Variants in NPTN observed in about 807,000 individuals in gnomAD.
NPTN encodes the protein neuroplastin, also known as SDR-1.
In NPTN, 5 loss-of-function variants were observed where a neutral mutation model predicts 42.7. The ratio of observed to expected loss-of-function variants is 0.12; its 90% CI spans 0.06 to 0.25. NPTN has a LOEUF of 0.25. Among genes scored for constraint, NPTN ranks in the 10% least tolerant of loss-of-function variants. The pLI, the probability that NPTN is intolerant of heterozygous loss-of-function variation, is 1.00. For missense variants in NPTN, 307 were observed against 525.4 expected (o/e 0.58, Z 4.06); for synonymous variants, 180 against 201.9 (o/e 0.89, Z 0.92).
chr15:73,617,143 A>G (rs1430941426), intron 1 of NPTN, among the ~76,000 whole-genome samples: 2 of 152,262 alleles, frequency 1.3e-5, no homozygotes, highest in African/African-American at 2.4e-5. Context: ...GATGAATTGT[A>G]ACATACTACT....
chr15:73,632,332 T>G (rs995235901), intron 1 of NPTN, among the ~76,000 whole-genome samples: 16 of 145,294 alleles, frequency 1.1e-4, no homozygotes, highest in African/African-American at 4.1e-4. Flanking sequence ...TTCCAACCCT[T>G]TCCCTCCATC....
chr15:73,624,407 A>G (rs1898293254), intron 1 of NPTN, among the ~76,000 whole-genome samples: 1 of 152,370 alleles, frequency 6.6e-6, no homozygotes, highest in East Asian at 1.9e-4. Flanking sequence ...TATAATTTCA[A>G]TGCTGGAGCT....
In NPTN at chr15:73,573,707, G is replaced by C; in HGVS notation, c.795C>G (p.Pro265=). Residue 265 remains proline, a synonymous_variant, in exon 5 of 9, where the codon CCC becomes CCG. Transcript: ENST00000345330. ...ATMYCKSVGY[P]HPDWIWRKKE... ...TCTTGCGCCATATCCAGTCTGGGTG[G>C]GGGTAGCCAACTGACTTGCAATACA... 1 of 1,595,542 alleles carries C rather than the reference G, an allele frequency of 6.3e-7. No homozygotes were observed. Among genetic ancestry groups the C allele is most frequent in the Non-Finnish European group, 8.5e-7 (1 of 1,172,224 alleles).
At chr15:73,574,838 T>C in intron 4 of NPTN, among the ~76,000 whole-genome samples, 1 of 152,220 alleles carries the variant, frequency 6.6e-6, no homozygotes, top group Non-Finnish European at 1.5e-5. Flanking sequence ...TCTCTATTTA[T>C]AGGGATCACT....
intron 1 of NPTN, among the ~76,000 whole-genome samples, chr15:73,612,468 C>T (rs1392754316): frequency 6.6e-6 from 1 of 151,266 alleles, no homozygotes; most frequent in East Asian, 1.9e-4. Context: ...ACTCTTAAAC[C>T]TTAAGATCTA....
intron 6 of NPTN, among the ~76,000 whole-genome samples, chr15:73,564,249 G>A (rs186571116): frequency 1.3e-5 from 2 of 152,304 alleles, no homozygotes; most frequent in East Asian, 3.9e-4. Context: ...AAATGATTCA[G>A]AACAGTTTGA....
intron 2 of NPTN, among the ~76,000 whole-genome samples, chr15:73,593,370 A>G (rs1228129809): frequency 1.3e-5 from 2 of 152,182 alleles, no homozygotes; most frequent in Non-Finnish European, 2.9e-5. Flanking sequence ...TACACTAACC[A>G]TCTTTTCCCA....
chr15:73,604,131 T>TA (rs1479639857), intron 1 of NPTN, among the ~76,000 whole-genome samples: 1 of 151,340 alleles, frequency 6.6e-6, no homozygotes, highest in Non-Finnish European at 1.5e-5. Flanking sequence ...TCTACAGGTT[T>TA]AAAAAAAAGT....
chr15:73,591,292 C>T (rs1896576105), intron 3 of NPTN, among the ~76,000 whole-genome samples: 1 of 152,212 alleles, frequency 6.6e-6, no homozygotes, highest in South Asian at 2.1e-4. Flanking sequence ...GCAGGATTAG[C>T]TGATTCTTTT....
chr15:73,581,786 A>G (rs1371427285), intron 4 of NPTN, among the ~76,000 whole-genome samples: 1 of 152,186 alleles, frequency 6.6e-6, no homozygotes, highest in Non-Finnish European at 1.5e-5. Flanking sequence ...CAGACTTAAG[A>G]AAGTGATCAA....
intron 1 of NPTN, among the ~76,000 whole-genome samples, chr15:73,631,976 A>T (rs1247247290): frequency 2.0e-5 from 3 of 152,132 alleles, no homozygotes; most frequent in African/African-American, 4.8e-5. Flanking sequence ...ACCACCTCCC[A>T]GGGGCCACTT....
Position 73,569,452 on chromosome 15 carries a change from A to C in NPTN, c.1114+698T>G, listed in dbSNP as rs970185486. The C allele has an allele frequency of 1.1e-5, 11 of 985,464 alleles. No homozygotes were observed. The highest frequency in any genetic ancestry group is 1.3e-5 in the Non-Finnish European group (11 of 829,940). 61.0% of individuals were successfully genotyped at this position (985,464 alleles called of 1,614,324 possible). On this transcript the variant is annotated intron_variant, in intron 6 of 8. Transcript: ENST00000345330. The surrounding 1 kb of genome is among the most constrained non-coding windows in gnomAD (Gnocchi z 4.1). ...TGACCCTAGGCCAGCTTGAGGGCAC[A>C]GCCTCGGGGCATGGACTCCATTTGT...
chr15:73,608,487 G>C (rs900323664), intron 1 of NPTN, among the ~76,000 whole-genome samples: 1 of 152,194 alleles, frequency 6.6e-6, no homozygotes, highest in African/African-American at 2.4e-5. Flanking sequence ...ATGAGTTCTA[G>C]ATAAAGGTGA....
chr15:73,568,412 C>A, intron 6 of NPTN: 1 of 985,378 alleles, frequency 1.0e-6, no homozygotes, highest in Non-Finnish European at 1.2e-6. Flanking sequence ...GTGGTATTGG[C>A]AAAGCAAAAG....
intron 6 of NPTN, among the ~76,000 whole-genome samples, chr15:73,563,740 ACT>A (rs1222119978): frequency 6.6e-6 from 1 of 152,150 alleles, no homozygotes; most frequent in Non-Finnish European, 1.5e-5. Context: ...CCCAAAGGGC[ACT>A]CTGTTTTTCT....
chr15:73,628,212 T>C (rs1898530775), intron 1 of NPTN, among the ~76,000 whole-genome samples: 1 of 152,200 alleles, frequency 6.6e-6, no homozygotes, highest in African/African-American at 2.4e-5. Context: ...TGAATTTACT[T>C]TAGAGGTCCC....
chr15:73,633,310 A>AG lies in NPTN; in HGVS notation c.-96dup, dbSNP rs1266487518. 8 of 946,754 alleles carry AG rather than the reference A, an allele frequency of 8.4e-6. No individual in the cohort carries two copies. The highest frequency in any genetic ancestry group is 1.2e-5 in the Non-Finnish European group (8 of 671,890). 58.6% of individuals were successfully genotyped at this position (946,754 alleles called of 1,614,324 possible). ...GAGGGAGGGGGCGGGCGAGTGCGCGAGGGAGTGAGCGAGGGAGGCAGCCGC... is the reference window on the plus strand; with the variant it reads ...GAGGGAGGGGGCGGGCGAGTGCGCGAGGGGAGTGAGCGAGGGAGGCAGCCGC... On this transcript the variant is annotated 5_prime_UTR_variant, in exon 1 of 9. Coordinates refer to ENST00000345330, the MANE Select transcript of NPTN (RefSeq NM_012428.4).
At chr15:73,564,491 GAACT>G (rs1005657974) in intron 6 of NPTN, among the ~76,000 whole-genome samples, 3 of 152,156 alleles carry the variant, frequency 2.0e-5, no homozygotes, top group Admixed American at 6.5e-5. Context: ...TCAAAAAAAA[GAACT>G]AACCACAAAC....
chr15:73,587,181 C>T (rs937427298), intron 4 of NPTN, among the ~76,000 whole-genome samples: 2 of 152,194 alleles, frequency 1.3e-5, no homozygotes, highest in African/African-American at 4.8e-5. Context: ...AGCATTCAAA[C>T]ATTTTTGACA....
Sources: allele counts gnomAD v4.1 joint callset (sites outside exome capture counted in the v4.1 genomes callset), GRCh38; gene constraint gnomAD v4.1.1; non-coding constraint Gnocchi (gnomAD v3.1); transcripts MANE v1.5; gene names NCBI Gene and HGNC (gene_info 2026-07-23, HGNC 2026-07-21).